KLF17: variants seen among roughly 807,000 people sequenced by gnomAD.
KLF17 encodes Krueppel-like factor 17.
Under a neutral mutation model 34.2 loss-of-function variants are expected in KLF17, and 31 were observed. The ratio of observed to expected loss-of-function variants is 0.91; its 90% CI spans 0.68 to 1.22. The LOEUF is 1.22. Among genes scored for constraint, KLF17 ranks in the 50% most tolerant of loss-of-function variants. The pLI is 0.00. For missense variants in KLF17, 478 were observed against 505.2 expected (o/e 0.95, Z 0.52); for synonymous variants, 179 against 186.7 (o/e 0.96, Z 0.34).
intron 1 of KLF17, chr1:44,122,136 A>T: frequency 6.9e-7 from 1 of 1,459,502 alleles, no homozygotes; most frequent in Non-Finnish European, 9.6e-7. Flanking sequence ...ACTTTGAAAC[A>T]GTAATCCTGA....
chr1:44,117,304 C>G (rs1020831280), upstream of KLF17: 1 of 152,118 alleles, frequency 6.6e-6, no homozygotes, highest in Admixed American at 6.5e-5. Flanking sequence ...CCAATCAGCA[C>G]AGCACACTGC....
At chr1:44,093,240 G>A in the KLF17 span, among the ~76,000 whole-genome samples, 1 of 134,214 alleles carries the variant, frequency 7.5e-6, no homozygotes, top group Non-Finnish European at 1.7e-5. Flanking sequence ...AATGGCAATA[G>A]AGTAACAGGG....
intron 1 of KLF17, among the ~76,000 whole-genome samples, chr1:44,126,154 G>T (rs1228338109): frequency 6.6e-6 from 1 of 152,154 alleles, no homozygotes; most frequent in Non-Finnish European, 1.5e-5. Context: ...CTCCTGAGTA[G>T]CTGGGACCAC....
the KLF17 span, among the ~76,000 whole-genome samples, chr1:44,088,928 G>A: frequency 6.6e-6 from 1 of 152,198 alleles, no homozygotes; most frequent in African/African-American, 2.4e-5. Flanking sequence ...TGACTATGGG[G>A]ATGAGTGGCT....
chr1:44,122,473 T>A, intron 1 of KLF17: 1 of 1,159,214 alleles, frequency 8.6e-7, no homozygotes, highest in South Asian at 1.2e-5. Flanking sequence ...ATGGTTACAG[T>A]TTCATGACTC....
the KLF17 span, among the ~76,000 whole-genome samples, chr1:44,089,587 C>T: frequency 6.6e-6 from 1 of 152,058 alleles, no homozygotes; most frequent in East Asian, 1.9e-4. Flanking sequence ...CAAGTTCTTC[C>T]TTGAAGGGGG....
At chr1:44,128,723 G>A (rs1016410891) in intron 1 of KLF17, among the ~76,000 whole-genome samples, 1 of 152,084 alleles carries the variant, frequency 6.6e-6, no homozygotes, top group African/African-American at 2.4e-5. Context: ...TGTATAATTT[G>A]GAGTTTGGGC....
intron 1 of KLF17, among the ~76,000 whole-genome samples, chr1:44,126,151 G>C (rs772382847): frequency 5.9e-5 from 9 of 152,148 alleles, no homozygotes; most frequent in South Asian, 2.1e-4. Context: ...AGCCTCCTGA[G>C]TAGCTGGGAC....
the KLF17 span, among the ~76,000 whole-genome samples, chr1:44,090,289 G>GTGAGATC: frequency 1.1e-5 from 1 of 94,958 alleles, no homozygotes; most frequent in Non-Finnish European, 1.9e-5. Context: ...GGGCAACACA[G>GTGAGATC]TGAGATCTTG....
the KLF17 span, among the ~76,000 whole-genome samples, chr1:44,112,901 A>C: frequency 1.3e-5 from 2 of 152,222 alleles, no homozygotes; most frequent in South Asian, 4.1e-4. Context: ...CATGTGGCAG[A>C]CACAGTGCTA....
the KLF17 span, among the ~76,000 whole-genome samples, chr1:44,083,709 C>T: frequency 6.8e-6 from 1 of 147,746 alleles, no homozygotes; most frequent in African/African-American, 2.5e-5. Context: ...CAGGAGAATC[C>T]TTTGAAGACG....
chr1:44,087,772 A>ACG, the KLF17 span, among the ~76,000 whole-genome samples: 1 of 52,516 alleles, frequency 1.9e-5, no homozygotes, highest in South Asian at 4.7e-4. Context: ...ATATATATAC[A>ACG]CACACACACA....
At chr1:44,079,711 T>C in the KLF17 span, among the ~76,000 whole-genome samples, 1 of 152,162 alleles carries the variant, frequency 6.6e-6, no homozygotes, top group African/African-American at 2.4e-5. Flanking sequence ...TCCTGGAAAA[T>C]ATTTCATATA....
At chr1:44,066,354 A>G in the KLF17 span, among the ~76,000 whole-genome samples, 15 of 147,470 alleles carry the variant, frequency 1.0e-4, no homozygotes, top group African/African-American at 3.9e-4. Flanking sequence ...CCCAAAAAAA[A>G]CAACAAAAAA....
At chr1:44,130,858 G>T in intron 3 of KLF17, 102 bp downstream of exon 3, 1 of 1,171,380 alleles carries the variant, frequency 8.5e-7, no homozygotes, top group Non-Finnish European at 1.2e-6. Context: ...GTGCAGTGGC[G>T]CAATTCGGTT....
chr1:44,128,208 A>C (rs1306352324), intron 1 of KLF17, among the ~76,000 whole-genome samples: 1 of 151,854 alleles, frequency 6.6e-6, no homozygotes, highest in Non-Finnish European at 1.5e-5. Flanking sequence ...CAGCCTCCCA[A>C]GTAGCTGGGA....
At chr1:44,126,956 T>G (rs1339214379) in intron 1 of KLF17, among the ~76,000 whole-genome samples, 3 of 152,028 alleles carry the variant, frequency 2.0e-5, no homozygotes, top group African/African-American at 7.2e-5. Context: ...ACAGCAGTGA[T>G]GCGATCACAG....
chr1:44,099,849 G>GAAAGAAAGAAAA, the KLF17 span, among the ~76,000 whole-genome samples: 31 of 34,796 alleles, frequency 8.9e-4, no homozygotes, highest in African/African-American at 3.6e-3. Context: ...AAGAAAGAAA[G>GAAAGAAAGAAAA]AAAGAAAGAA....
At chr1:44,109,336 T>A in the KLF17 span, among the ~76,000 whole-genome samples, 1 of 152,196 alleles carries the variant, frequency 6.6e-6, no homozygotes. Flanking sequence ...ACAAAGAAGC[T>A]GAACTCCTAA....
Sources: allele counts gnomAD v4.1 joint callset (sites outside exome capture counted in the v4.1 genomes callset), GRCh38; gene constraint gnomAD v4.1.1; transcripts MANE v1.5; gene names NCBI Gene and HGNC (gene_info 2026-07-23, HGNC 2026-07-21).